Variants in HIVEP2 observed in about 807,000 individuals in gnomAD.
HIVEP2 encodes the protein HIVEP zinc finger 2.
HIVEP2 carries 14 observed loss-of-function variants against 180.7 expected under a neutral mutation model. The observed-to-expected ratio is 0.08, with a 90% CI of 0.05 to 0.12. HIVEP2 has a LOEUF of 0.12. Ranked by LOEUF, HIVEP2 falls within the 10% of genes least tolerant of loss-of-function variation. The pLI is 1.00. For synonymous variants in HIVEP2, 1,184 were observed against 1,136.4 expected (o/e 1.04, Z -0.84); for missense variants, 2,579 against 3,008.5 (o/e 0.86, Z 3.34).
chr6:142,812,188 A>T (rs1734083802), intron 2 of HIVEP2, among the ~76,000 whole-genome samples: 1 of 152,200 alleles, frequency 6.6e-6, no homozygotes, highest in Admixed American at 6.5e-5. Context: ...CACCGAGCGA[A>T]ATCCAAAGAG....
chr6:142,923,175 A>C (rs969165821), intron 1 of HIVEP2, among the ~76,000 whole-genome samples: 2 of 152,160 alleles, frequency 1.3e-5, no homozygotes, highest in South Asian at 4.1e-4. Context: ...TCTACTAAAA[A>C]TACAAAAATT....
chr6:142,855,060 G>C (rs1775782937), intron 1 of HIVEP2, among the ~76,000 whole-genome samples: 1 of 152,178 alleles, frequency 6.6e-6, no homozygotes, highest in African/African-American at 2.4e-5. Context: ...CCACCATGCT[G>C]GTTTTCTTCC....
intron 1 of HIVEP2, among the ~76,000 whole-genome samples, chr6:142,879,635 A>C (rs1214454472): frequency 6.6e-6 from 1 of 151,770 alleles, no homozygotes; most frequent in Non-Finnish European, 1.5e-5. Flanking sequence ...CTTTGCTCTC[A>C]TGTTGACTTT....
Position 142,813,482 on chromosome 6 carries a change from T to A in HIVEP2, c.-528+23453A>T, listed in dbSNP as rs963706445. 3.3e-5 allele frequency among the ~76,000 whole-genome samples: 5 copies of A among 152,104 alleles called. No homozygotes were observed. The South Asian group carries it at 8.3e-4, about 25-fold the overall frequency. ...TTTCCTTAAATTTGCCCCTTCATTG[T>A]AGTAAGAGATAGTATATTATTAAAT... On this transcript the variant is annotated intron_variant, in intron 2 of 9. Transcript: ENST00000367603.
chr6:142,768,368 C>T lies in HIVEP2; in HGVS notation c.5342+14G>A. 6.2e-7 allele frequency: 1 copy of T among 1,606,710 alleles called. No homozygotes were observed. Among genetic ancestry groups the T allele is most frequent in the Non-Finnish European group, 8.5e-7 (1 of 1,177,276 alleles). On this transcript the variant is annotated intron_variant, in intron 6 of 9. Coordinates refer to ENST00000367603, the MANE Select transcript of HIVEP2 (RefSeq NM_006734.4). ...TATAACTGCACATTTTACATTTGCA[C>T]TTTGTTTCCTTACCCTCCTTCAAAT...
intron 1 of HIVEP2, among the ~76,000 whole-genome samples, chr6:142,857,772 G>A (rs1201107509): frequency 6.6e-6 from 1 of 152,186 alleles, no homozygotes; most frequent in Non-Finnish European, 1.5e-5. Context: ...TAAAACTCCA[G>A]GTTTAATTTT....
In HIVEP2 at chr6:142,753,055, A is replaced by G. The variant is rs1774959125; in HGVS notation, c.*52T>C. ...GGATTACCTCCATTTCTAGAAAAAC[A>G]AAAACAAAAAAATGGGAAAATGTGG... On this transcript the variant is annotated 3_prime_UTR_variant, in exon 10 of 10. Coordinates refer to ENST00000367603, the MANE Select transcript of HIVEP2 (RefSeq NM_006734.4). 1 of 1,203,382 alleles carries G rather than the reference A, an allele frequency of 8.3e-7. No individual in the cohort carries two copies. The highest frequency in any genetic ancestry group is 1.2e-5 in the South Asian group (1 of 80,172). The allele number at this position is 1,203,382 out of a possible 1,614,324, so 74.5% of individuals were successfully genotyped here.
intron 1 of HIVEP2, among the ~76,000 whole-genome samples, chr6:142,944,277 G>C (rs867834743): frequency 4.6e-5 from 7 of 151,956 alleles, no homozygotes; most frequent in South Asian, 2.1e-4. Flanking sequence ...TGTTATGTAA[G>C]AGGGACAGAA....
chr6:142,809,962 A>G (rs1471098015), intron 2 of HIVEP2, among the ~76,000 whole-genome samples: 1 of 152,198 alleles, frequency 6.6e-6, no homozygotes, highest in African/African-American at 2.4e-5. Context: ...ATATGTTGCT[A>G]AATCTCTTAG....
intron 1 of HIVEP2, among the ~76,000 whole-genome samples, chr6:142,903,653 G>A (rs912973604): frequency 2.6e-5 from 4 of 152,018 alleles, no homozygotes; most frequent in African/African-American, 9.7e-5. Flanking sequence ...TGACTCCGGT[G>A]GTTCCCATTA....
chr6:142,843,925 C>A (rs1204075877), intron 1 of HIVEP2, among the ~76,000 whole-genome samples: 1 of 152,160 alleles, frequency 6.6e-6, no homozygotes, highest in Admixed American at 6.5e-5. Context: ...GCATTAGAAT[C>A]ATAACTTTTC....
intron 1 of HIVEP2, among the ~76,000 whole-genome samples, chr6:142,872,588 C>T (rs965824003): frequency 6.6e-5 from 10 of 152,154 alleles, no homozygotes; most frequent in Non-Finnish European, 1.3e-4. Context: ...AGTGAGCTCA[C>T]CCGGAAGAAA....
In HIVEP2 at chr6:142,772,734, G is replaced by T. The variant is rs1368082223; in HGVS notation, c.2005C>A (p.His669Asn). Residue 669 changes from histidine (H) to asparagine (N), a missense_variant, in exon 5 of 10, where the codon CAT becomes AAT. Transcript: ENST00000367603. This position sits in a 1 kb window ranked among gnomAD's most constrained non-coding sequence, Gnocchi z 4.9. ...GGATCCATGAAATATTCTCCACCAT[G>T]CTTTAAAGAACTCAAGCAGGAAATG... ...RDISCLSSLK[H>N]GGEYFMDPVV... is the part of the protein sequence containing the mutation. 1 of 1,614,188 alleles carries T rather than the reference G, an allele frequency of 6.2e-7. No homozygotes were observed. The highest frequency in any genetic ancestry group is 8.5e-7 in the Non-Finnish European group (1 of 1,180,030).
intron 9 of HIVEP2, among the ~76,000 whole-genome samples, chr6:142,758,855 G>A (rs190409177): frequency 2.0e-5 from 3 of 152,190 alleles, no homozygotes; most frequent in Admixed American, 2.0e-4. Flanking sequence ...CTTCCACTGA[G>A]CAAGTGCACT....
intron 2 of HIVEP2, among the ~76,000 whole-genome samples, chr6:142,800,423 T>C (rs1206926965): frequency 6.6e-6 from 1 of 152,160 alleles, no homozygotes; most frequent in East Asian, 1.9e-4. Context: ...AATGGGTTCC[T>C]TTCCAAGCTA....
Position 142,771,004 on chromosome 6 carries a change from G to T in HIVEP2, c.3735C>A (p.Pro1245=), listed in dbSNP as rs752377985. ...AQHPQKSYGK[P]SFQTEIHSSY... The stretch of plus-strand genomic sequence containing the variant: ...TCGAATGGATTTCTGTCTGAAAAGA[G>T]GGCTTGCCATAGCTCTTCTGAGGGT... Residue 1245 remains proline, a synonymous_variant, in exon 5 of 10, where the codon CCC becomes CCA. Coordinates refer to ENST00000367603, the MANE Select transcript of HIVEP2 (RefSeq NM_006734.4). The surrounding 1 kb of genome is among the most constrained non-coding windows in gnomAD (Gnocchi z 5.4). 1 of 1,614,092 alleles carries T rather than the reference G, an allele frequency of 6.2e-7. No homozygotes were observed. The highest frequency in any genetic ancestry group is 1.1e-5 in the South Asian group (1 of 91,088).
In HIVEP2 at chr6:142,753,244, T is replaced by G. The variant is rs994493921; in HGVS notation, c.7204A>C (p.Thr2402Pro). 5 of 1,613,882 alleles carry G rather than the reference T, an allele frequency of 3.1e-6. No homozygotes were observed. The highest frequency in any genetic ancestry group is 4.2e-6 in the Non-Finnish European group (5 of 1,180,000). Residue 2402 changes from threonine (T) to proline (P), a missense_variant, in exon 10 of 10, where the codon ACT becomes CCT. By Grantham distance (38) the Thr-to-Pro change is conservative. Transcript: ENST00000367603. ...GEKDNFGTSQ[T>P]PLAHSTFYSK... The stretch of plus-strand genomic sequence containing the variant: ...TAAAACGTGGAGTGAGCTAATGGAG[T>G]CTGTGATGTACCAAAATTGTCCTTT...
At chr6:142,919,724 A>T (rs780015654) in intron 1 of HIVEP2, among the ~76,000 whole-genome samples, 22 of 152,250 alleles carry the variant, frequency 1.4e-4, no homozygotes, top group Non-Finnish European at 2.6e-4. Context: ...CAAAAATAAT[A>T]AAATGGCATT....
chr6:142,761,717 C>A, intron 7 of HIVEP2, 152 bp from the exon 8 acceptor site: 1 of 631,360 alleles, frequency 1.6e-6, no homozygotes. Context: ...CTTGTTTCAA[C>A]CTTAAGAAGA....
Sources: gnomAD v4.1 joint callset for allele counts (sites outside exome capture counted in the v4.1 genomes callset) on GRCh38, gnomAD v4.1.1 for gene constraint, Gnocchi (gnomAD v3.1) non-coding constraint, MANE v1.5 for transcripts, NCBI Gene and HGNC (gene_info 2026-07-23, HGNC 2026-07-21) for gene names.